Variants in PABPC4L observed in about 807,000 individuals in gnomAD.
PABPC4L encodes polyadenylate-binding protein 4-like.
For missense variants in PABPC4L, 452 were observed against 451.4 expected (o/e 1.00, Z -0.01); for synonymous variants, 169 against 164.1 (o/e 1.03, Z -0.23).
chr4:133,957,174 A>G, the PABPC4L span, among the ~76,000 whole-genome samples: 3 of 152,184 alleles, frequency 2.0e-5, no homozygotes, highest in Admixed American at 2.0e-4. Context: ...CTGCCTATGA[A>G]TCTGTAAAAT....
chr4:134,147,751 GTTGT>G, the PABPC4L span, among the ~76,000 whole-genome samples: 1 of 121,620 alleles, frequency 8.2e-6, no homozygotes, highest in Non-Finnish European at 1.8e-5. Context: ...GTGTGTGTGT[GTTGT>G]TGTTGTTGTT....
At chr4:134,112,374 G>A in the PABPC4L span, among the ~76,000 whole-genome samples, 15 of 151,692 alleles carry the variant, frequency 9.9e-5, no homozygotes, top group African/African-American at 2.2e-4. Flanking sequence ...TGATTTTATC[G>A]TTGTCTCTTT....
At chr4:134,138,725 A>G in the PABPC4L span, among the ~76,000 whole-genome samples, 2 of 151,870 alleles carry the variant, frequency 1.3e-5, no homozygotes, top group African/African-American at 2.4e-5. Context: ...AATGTGTTCT[A>G]TAACCTATTA....
chr4:134,070,048 A>C, the PABPC4L span, among the ~76,000 whole-genome samples: 2 of 113,362 alleles, frequency 1.8e-5, no homozygotes, highest in African/African-American at 3.6e-5. Context: ...TGATTTTTGC[A>C]TAAGATGGAT....
At chr4:134,062,934 T>A in the PABPC4L span, among the ~76,000 whole-genome samples, 1 of 152,100 alleles carries the variant, frequency 6.6e-6, no homozygotes, top group Non-Finnish European at 1.5e-5. Context: ...TTCACCACAA[T>A]GTTAATGCTT....
chr4:134,001,665 T>G, the PABPC4L span, among the ~76,000 whole-genome samples: 1 of 152,108 alleles, frequency 6.6e-6, no homozygotes, highest in South Asian at 2.1e-4. Flanking sequence ...AGGGACAAGA[T>G]GGAATCTGTG....
the PABPC4L span, among the ~76,000 whole-genome samples, chr4:133,978,332 G>A: frequency 2.0e-5 from 3 of 152,176 alleles, no homozygotes; most frequent in Non-Finnish European, 4.4e-5. Context: ...TGCAGGATGG[G>A]TGTGGTGGCT....
the PABPC4L span, among the ~76,000 whole-genome samples, chr4:133,975,535 C>T: frequency 6.6e-6 from 1 of 152,078 alleles, no homozygotes; most frequent in Non-Finnish European, 1.5e-5. Context: ...AAATGACTCT[C>T]TAATTTTTAG....
the PABPC4L span, among the ~76,000 whole-genome samples, chr4:134,020,800 G>T: frequency 6.6e-6 from 1 of 152,204 alleles, no homozygotes; most frequent in East Asian, 1.9e-4. Flanking sequence ...TTTAAAAAGA[G>T]ATTATAAATA....
the PABPC4L span, among the ~76,000 whole-genome samples, chr4:134,172,207 A>C: frequency 1.3e-5 from 2 of 152,170 alleles, no homozygotes; most frequent in African/African-American, 4.8e-5. Flanking sequence ...TCACATAGCC[A>C]AGGCAATTCT....
the PABPC4L span, among the ~76,000 whole-genome samples, chr4:134,006,708 G>A: frequency 6.6e-6 from 1 of 151,796 alleles, no homozygotes; most frequent in Non-Finnish European, 1.5e-5. Flanking sequence ...ATATTTACGA[G>A]TCTATTTTGC....
chr4:134,086,699 T>C, the PABPC4L span, among the ~76,000 whole-genome samples: 1 of 151,780 alleles, frequency 6.6e-6, no homozygotes, highest in South Asian at 2.1e-4. Context: ...CCTACGATTC[T>C]GCAGAGCAAA....
At chr4:134,191,724 A>C (rs2126193455), downstream of PABPC4L, among the ~76,000 whole-genome samples, 1 of 152,182 alleles carries the variant, frequency 6.6e-6, no homozygotes, top group South Asian at 2.1e-4. Context: ...GGTTGACCCT[A>C]AAGCCGTGCT....
chr4:134,004,138 A>T, the PABPC4L span, among the ~76,000 whole-genome samples: 2 of 151,982 alleles, frequency 1.3e-5, no homozygotes, highest in East Asian at 3.9e-4. Context: ...AAAATAGACA[A>T]ATATGATTCT....
At chr4:134,087,531 C>T in the PABPC4L span, among the ~76,000 whole-genome samples, 3 of 152,092 alleles carry the variant, frequency 2.0e-5, no homozygotes, top group Non-Finnish European at 2.9e-5. Context: ...TAAAGCTGCC[C>T]GCCTAACACC....
chr4:134,088,560 T>C, the PABPC4L span, among the ~76,000 whole-genome samples: 2 of 152,048 alleles, frequency 1.3e-5, no homozygotes, highest in African/African-American at 2.4e-5. Context: ...CTTTAGAACA[T>C]GATTAAGTAT....
chr4:134,167,784 T>C, the PABPC4L span, among the ~76,000 whole-genome samples: 6 of 152,064 alleles, frequency 3.9e-5, no homozygotes, highest in African/African-American at 9.6e-5. Flanking sequence ...CACCCAGATA[T>C]ATAAAACAAA....
chr4:134,129,671 A>T, the PABPC4L span, among the ~76,000 whole-genome samples: 1 of 152,012 alleles, frequency 6.6e-6, no homozygotes, highest in Non-Finnish European at 1.5e-5. Context: ...CTGAATGATA[A>T]TTATAATTAA....
chr4:134,112,596 ATC>A, the PABPC4L span, among the ~76,000 whole-genome samples: 2 of 151,458 alleles, frequency 1.3e-5, no homozygotes, highest in African/African-American at 2.4e-5. Context: ...CTATCTATCT[ATC>A]TATCTATCTA....
Sources: allele counts gnomAD v4.1 joint callset (sites outside exome capture counted in the v4.1 genomes callset), GRCh38; gene constraint gnomAD v4.1.1; transcripts MANE v1.5; gene names NCBI Gene and HGNC (gene_info 2026-07-23, HGNC 2026-07-21).